WWC1: variants seen among roughly 807,000 people sequenced by gnomAD.
WWC1 encodes protein KIBRA.
In WWC1, 55 loss-of-function variants were observed where a neutral mutation model predicts 138.4. The observed-to-expected ratio is 0.40, with a 90% CI of 0.32 to 0.50. The LOEUF (loss-of-function observed/expected upper bound fraction) is 0.50. WWC1 is among the 20% of genes least tolerant of loss of function. The pLI is 0.72. For missense variants in WWC1, 1,226 were observed against 1,420.4 expected, an observed-to-expected ratio of 0.86 and a Z score of 2.20; for synonymous variants, 524 against 564.9, an observed-to-expected ratio of 0.93 and a Z score of 1.03.
In WWC1 at chr5:168,353,405, A is replaced by C. The variant is rs184353685; in HGVS notation, c.120-18019A>C. Reference sequence around the variant, plus strand: ...TGTGAAGTTCTTAAGTAAAGAGACAAGATGCTACTAGTGTGCAAACACGCG... The same window carrying C: ...TGTGAAGTTCTTAAGTAAAGAGACACGATGCTACTAGTGTGCAAACACGCG... On this transcript the variant is annotated intron_variant, in intron 1 of 22. Transcript: ENST00000265293. Among the ~76,000 whole-genome samples the C allele has an allele frequency of 2.3e-3, 345 of 152,346 alleles. 1 individual carries two copies. Among genetic ancestry groups the C allele is most frequent in the Admixed American group, 5.7e-3 (88 of 15,312 alleles).
At chr5:168,379,207 T>C (rs541043273) in intron 2 of WWC1, among the ~76,000 whole-genome samples, 1 of 152,328 alleles carries the variant, frequency 6.6e-6, no homozygotes, top group East Asian at 1.9e-4. Context: ...AAGCTATATC[T>C]ATGTATACTT....
chr5:168,319,207 G>A (rs189229947), intron 1 of WWC1, among the ~76,000 whole-genome samples: 2 of 152,118 alleles, frequency 1.3e-5, no homozygotes, highest in East Asian at 2.0e-4. Context: ...ATCACCTGAC[G>A]TCAGGAGTTT....
At chr5:168,432,702 T>TG (rs530522389) in intron 15 of WWC1, among the ~76,000 whole-genome samples, 2,906 of 152,248 alleles carry the variant, frequency 0.019, 46 homozygotes, top group South Asian at 0.058. Context: ...GGGGATTCAA[T>TG]GGGGAACCAA....
At chr5:168,465,576 T>G (rs866438535) in intron 21 of WWC1, among the ~76,000 whole-genome samples, 136 of 136,176 alleles carry the variant, frequency 1.0e-3, no homozygotes, top group African/African-American at 3.6e-3. Context: ...TTTTTTTTTT[T>G]GGAGATGGGT....
chr5:168,430,400 C>T (rs537085810), intron 14 of WWC1, among the ~76,000 whole-genome samples, 177 bp downstream of exon 14: 4 of 152,116 alleles, frequency 2.6e-5, no homozygotes, highest in Non-Finnish European at 5.9e-5. Flanking sequence ...ACAGGCACAA[C>T]GGCAAGCACA....
At chr5:168,400,078 A>G (rs766016337) in intron 5 of WWC1, among the ~76,000 whole-genome samples, 1 of 151,494 alleles carries the variant, frequency 6.6e-6, no homozygotes, top group African/African-American at 2.4e-5. Context: ...TGGGTGACTT[A>G]AGGAGTTTCC....
intron 1 of WWC1, among the ~76,000 whole-genome samples, chr5:168,295,968 A>C (rs1416959357): frequency 6.6e-6 from 1 of 152,234 alleles, no homozygotes; most frequent in Non-Finnish European, 1.5e-5. Context: ...AGTCAAGGCC[A>C]GCCTGGGAAG....
intron 1 of WWC1, among the ~76,000 whole-genome samples, chr5:168,362,757 G>A (rs1027737795): frequency 1.3e-5 from 2 of 152,330 alleles, no homozygotes; most frequent in Admixed American, 6.5e-5. Flanking sequence ...CAAGATGGAG[G>A]TGAAGGAAGG....
intron 3 of WWC1, among the ~76,000 whole-genome samples, chr5:168,387,805 T>C (rs963528733): frequency 3.9e-5 from 6 of 152,190 alleles, no homozygotes; most frequent in Non-Finnish European, 5.9e-5. Flanking sequence ...TTATATTTAT[T>C]TGGGAGAGAC....
At chr5:168,322,387 A>G (rs1772187592) in intron 1 of WWC1, among the ~76,000 whole-genome samples, 1 of 152,210 alleles carries the variant, frequency 6.6e-6, no homozygotes, top group South Asian at 2.1e-4. Context: ...ACTCTGTGGA[A>G]GGAAAGCAGC....
intron 1 of WWC1, among the ~76,000 whole-genome samples, chr5:168,309,838 A>C (rs1249137459): frequency 1.3e-5 from 2 of 152,130 alleles, no homozygotes; most frequent in Non-Finnish European, 2.9e-5. Flanking sequence ...CTCCTCTGCC[A>C]TGAAGCCACA....
rs2152900198 is a variant in WWC1, at chr5:168,470,374, A to C, written c.*1357A>C. ...ACACGGTGAAACCCTGTCTCTACTA[A>C]AAATACAAAAAATTAGCCGGCCGTG... is the stretch of plus-strand genomic sequence containing the variant. On this transcript the variant is annotated 3_prime_UTR_variant, in exon 23 of 23. Coordinates refer to ENST00000265293, the MANE Select transcript of WWC1 (RefSeq NM_015238.3). 6.6e-6 allele frequency: 1 copy of C among 152,266 alleles called. No individual in the cohort carries two copies. Among genetic ancestry groups the C allele is most frequent in the Middle Eastern group, 3.4e-3 (1 of 294 alleles). 9.4% of individuals were successfully genotyped at this position (152,266 alleles called of 1,614,324 possible).
intron 1 of WWC1, among the ~76,000 whole-genome samples, chr5:168,295,236 G>C (rs1031098960): frequency 6.6e-6 from 1 of 152,008 alleles, no homozygotes; most frequent in African/African-American, 2.4e-5. Context: ...GGTCTTCAAG[G>C]GCCTGCCAGC....
intron 18 of WWC1, 99 bp downstream of exon 18, chr5:168,454,199 TC>T (rs993226792): frequency 5.6e-5 from 86 of 1,526,754 alleles, no homozygotes; most frequent in Non-Finnish European, 7.1e-5. Context: ...AGTCTTGGCT[TC>T]CAGCATCAGG....
At chr5:168,434,567 T>C (rs1472354816) in intron 15 of WWC1, among the ~76,000 whole-genome samples, 1 of 152,184 alleles carries the variant, frequency 6.6e-6, no homozygotes, top group Non-Finnish European at 1.5e-5. Context: ...CCAGAAAGGC[T>C]AAGTAAGCTG....
At chr5:168,399,420 G>T in intron 4 of WWC1, 68 bp from the exon 5 acceptor site, 1 of 1,573,284 alleles carries the variant, frequency 6.4e-7, no homozygotes. Context: ...CCCTTTCCAG[G>T]GAGAAGGCAG....
At chr5:168,316,065 CCT>C (rs1294797335) in intron 1 of WWC1, among the ~76,000 whole-genome samples, 1 of 152,216 alleles carries the variant, frequency 6.6e-6, no homozygotes, top group Non-Finnish European at 1.5e-5. Flanking sequence ...AGGCCTCCCC[CCT>C]CTTTTCAGGC....
At chr5:168,430,914 G>A (rs1781885605) in intron 14 of WWC1, among the ~76,000 whole-genome samples, 1 of 152,224 alleles carries the variant, frequency 6.6e-6, no homozygotes, top group Admixed American at 6.5e-5. Flanking sequence ...ACGGAAGGAA[G>A]ACAAGATGGG....
chr5:168,454,122 GA>G, intron 18 of WWC1, 22 bp downstream of exon 18: 1 of 1,607,894 alleles, frequency 6.2e-7, no homozygotes, highest in Non-Finnish European at 8.5e-7. Flanking sequence ...TGGGGGGATA[GA>G]AGGGCTGTCG....
Sources: allele counts gnomAD v4.1 joint callset (sites outside exome capture counted in the v4.1 genomes callset), GRCh38; gene constraint gnomAD v4.1.1; transcripts MANE v1.5; gene names NCBI Gene and HGNC (gene_info 2026-07-23, HGNC 2026-07-21).